MSR1: variants seen among roughly 807,000 people sequenced by gnomAD.
MSR1 encodes macrophage scavenger receptor 1.
In MSR1, 53 loss-of-function variants were observed where a neutral mutation model predicts 47.2. That is an observed-to-expected ratio of 1.12 (90% CI 0.90 to 1.41). The LOEUF is 1.41. Ranked by LOEUF, MSR1 falls within the 40% of genes most tolerant of loss-of-function variation. The pLI is 0.00. For synonymous variants in MSR1, 239 were observed against 185.6 expected (o/e 1.29, Z -2.34); for missense variants, 786 against 546.9 (o/e 1.44, Z -4.36).
chr8:16,126,957 TAA>T (rs969474047), intron 8 of MSR1, among the ~76,000 whole-genome samples: 2 of 152,166 alleles, frequency 1.3e-5, no homozygotes, highest in African/African-American at 4.8e-5. Context: ...AGGAGGTATA[TAA>T]AGTGCTTTTC....
chr8:16,140,179 A>T, intron 8 of MSR1: 3 of 985,220 alleles, frequency 3.0e-6, no homozygotes, highest in Non-Finnish European at 3.6e-6. Context: ...ATCAATACTC[A>T]TGACAGTTCT....
intron 4 of MSR1, among the ~76,000 whole-genome samples, chr8:16,167,828 TCTCTA>T (rs1563162481): frequency 6.6e-6 from 1 of 151,716 alleles, no homozygotes. Context: ...TTGTACACTT[TCTCTA>T]ATCTTTCTAT....
intron 8 of MSR1, among the ~76,000 whole-genome samples, chr8:16,128,158 C>T (rs750268141): frequency 6.6e-6 from 1 of 152,106 alleles, no homozygotes; most frequent in Non-Finnish European, 1.5e-5. Flanking sequence ...ACAAAGAAAA[C>T]TGAATTCATC....
chr8:16,177,818 T>G (rs1200353497), intron 2 of MSR1, 68 bp downstream of exon 2: 1 of 1,276,152 alleles, frequency 7.8e-7, no homozygotes, highest in East Asian at 2.3e-5. Context: ...GTCTCAAGAC[T>G]ATAATTTTAT....
At chr8:16,123,700 G>A (rs913638605) in intron 8 of MSR1, among the ~76,000 whole-genome samples, 5 of 151,718 alleles carry the variant, frequency 3.3e-5, no homozygotes, top group Admixed American at 1.3e-4. Flanking sequence ...AAACGATTTC[G>A]TGTATTATTA....
chr8:16,143,972 C>T (rs1051599659), intron 7 of MSR1, among the ~76,000 whole-genome samples: 3 of 152,082 alleles, frequency 2.0e-5, no homozygotes, highest in African/African-American at 7.2e-5. Flanking sequence ...TGAGCTCCCA[C>T]ATCCCGTTCT....
At chr8:16,163,102 A>G (rs544339986) in intron 5 of MSR1, among the ~76,000 whole-genome samples, 1 of 152,016 alleles carries the variant, frequency 6.6e-6, no homozygotes, top group East Asian at 1.9e-4. Context: ...AACAATCAAT[A>G]AGAAATAGAA....
At chr8:16,148,450 C>T (rs929627040) in intron 7 of MSR1, among the ~76,000 whole-genome samples, 1 of 150,534 alleles carries the variant, frequency 6.6e-6, no homozygotes, top group Non-Finnish European at 1.5e-5. Flanking sequence ...AGCTGCTTTA[C>T]GTAGAATTTC....
intron 3 of MSR1, among the ~76,000 whole-genome samples, chr8:16,170,305 G>A (rs1262403386): frequency 1.3e-5 from 2 of 151,236 alleles, no homozygotes; most frequent in African/African-American, 2.4e-5. Context: ...CCGAGATCAC[G>A]CCACTGCACT....
At chr8:16,112,095 G>A (rs1032893453) in intron 9 of MSR1, among the ~76,000 whole-genome samples, 2 of 152,098 alleles carry the variant, frequency 1.3e-5, no homozygotes. Flanking sequence ...GCAAATACTG[G>A]CATCTAGAGC....
intron 3 of MSR1, among the ~76,000 whole-genome samples, chr8:16,172,936 G>T (rs530802832): frequency 3.3e-4 from 50 of 152,026 alleles, no homozygotes; most frequent in Admixed American, 2.4e-3. Context: ...AATTTTTTAT[G>T]CCAAGTAGAG....
chr8:16,116,960 C>G (rs1411836822), intron 9 of MSR1, among the ~76,000 whole-genome samples: 1 of 151,918 alleles, frequency 6.6e-6, no homozygotes, highest in Non-Finnish European at 1.5e-5. Context: ...ACATATACTA[C>G]TACTGTTGCT....
At chr8:16,136,492 T>C (rs1466499179) in intron 8 of MSR1, among the ~76,000 whole-genome samples, 2 of 151,156 alleles carry the variant, frequency 1.3e-5, no homozygotes, top group Non-Finnish European at 1.5e-5. Flanking sequence ...GCATGTTTCA[T>C]TGTGATAATT....
intron 1 of MSR1, among the ~76,000 whole-genome samples, chr8:16,179,081 A>G (rs1467227083): frequency 2.0e-5 from 3 of 152,122 alleles, no homozygotes; most frequent in African/African-American, 7.2e-5. Flanking sequence ...ATGTATGTCT[A>G]TTTTTAGAGG....
intron 5 of MSR1, among the ~76,000 whole-genome samples, chr8:16,157,037 A>G (rs1206968470): frequency 6.6e-6 from 1 of 152,016 alleles, no homozygotes; most frequent in African/African-American, 2.4e-5. Flanking sequence ...TGTTGAGCTA[A>G]TTGAAGGGAA....
intron 8 of MSR1, among the ~76,000 whole-genome samples, chr8:16,131,441 G>GTTTTTTTTTTTTTGTTTT (rs1800254491): frequency 1.8e-5 from 1 of 54,660 alleles, no homozygotes; most frequent in African/African-American, 8.1e-5. Flanking sequence ...TCTGTTGATA[G>GTTTTTTTTTTTTTGTTTT]TTTTTTTTTT....
At chr8:16,166,128 T>C (rs1281669655) in intron 4 of MSR1, among the ~76,000 whole-genome samples, 26 of 151,844 alleles carry the variant, frequency 1.7e-4, no homozygotes, top group Admixed American at 1.7e-3. Context: ...ATCCAGGTTT[T>C]TCATCATACC....
At chr8:16,180,650 G>C (rs1408218825) in intron 1 of MSR1, among the ~76,000 whole-genome samples, 1 of 152,148 alleles carries the variant, frequency 6.6e-6, no homozygotes, top group Admixed American at 6.6e-5. Context: ...GGACAGCAAA[G>C]TCAAATCCAG....
intron 8 of MSR1, 113 bp downstream of exon 8, chr8:16,143,433 GCTTCCATAGAGT>G: frequency 1.5e-6 from 1 of 688,230 alleles, no homozygotes; most frequent in Non-Finnish European, 2.5e-6. Context: ...ATTATGTTTG[GCTTCCATAGAGT>G]CTGTATGGAT....
Sources: allele counts gnomAD v4.1 joint callset (sites outside exome capture counted in the v4.1 genomes callset), GRCh38; gene constraint gnomAD v4.1.1; transcripts MANE v1.5; gene names NCBI Gene and HGNC (gene_info 2026-07-23, HGNC 2026-07-21).